The following HTR1F variants were observed in gnomAD, a reference collection of about 807,000 sequenced individuals.
HTR1F encodes the protein 5-hydroxytryptamine receptor 1F.
In HTR1F, 17 loss-of-function variants were observed where a neutral mutation model predicts 24.0. That is an observed-to-expected ratio of 0.71 (90% CI 0.48 to 1.06). HTR1F has a LOEUF of 1.06. Ranked by LOEUF, HTR1F falls within the 50% of genes least tolerant of loss-of-function variation. HTR1F has a pLI of 0.00. For synonymous variants in HTR1F, 186 were observed against 156.8 expected, an observed-to-expected ratio of 1.19 and a Z score of -1.39; for missense variants, 391 against 427.8, an observed-to-expected ratio of 0.91 and a Z score of 0.76.
At chr3:87,920,793 C>T (rs1001708526) in intron 2 of HTR1F, among the ~76,000 whole-genome samples, 7 of 151,856 alleles carry the variant, frequency 4.6e-5, no homozygotes, top group African/African-American at 1.7e-4. Context: ...AGTATCTCAG[C>T]GACAAAATAA....
chr3:87,838,554 T>A (rs1575927495), intron 2 of HTR1F, among the ~76,000 whole-genome samples: 2 of 152,230 alleles, frequency 1.3e-5, no homozygotes, highest in Admixed American at 1.3e-4. Context: ...TCCATCCAAG[T>A]TATTGTATAT....
chr3:87,856,845 C>G (rs1310677801), intron 2 of HTR1F, among the ~76,000 whole-genome samples: 1 of 152,034 alleles, frequency 6.6e-6, no homozygotes, highest in African/African-American at 2.4e-5. Flanking sequence ...GGCATATAAC[C>G]TGTTTTTATA....
intron 2 of HTR1F, among the ~76,000 whole-genome samples, chr3:87,865,420 T>C (rs1437317907): frequency 2.0e-5 from 3 of 152,074 alleles, no homozygotes; most frequent in Admixed American, 1.3e-4. Context: ...GATCAGGAAA[T>C]AGAATATTAT....
At chr3:87,946,291 A>G (rs1297624802) in intron 2 of HTR1F, among the ~76,000 whole-genome samples, 5 of 152,162 alleles carry the variant, frequency 3.3e-5, no homozygotes, top group African/African-American at 4.8e-5. Flanking sequence ...ACCATAACAA[A>G]CACGGACCAG....
rs1420178827 is a variant in HTR1F, at chr3:87,991,720, T to C, written c.971T>C (p.Ile324Thr). Residue 324 changes from isoleucine to threonine, a missense_variant, in exon 3 of 3, where the codon ATT (isoleucine) becomes ACT (threonine). By Grantham distance (89) the Ile-to-Thr change is moderately conservative. Coordinates refer to ENST00000319595, the MANE Select transcript of HTR1F (RefSeq NM_001322209.2). ...LVVNVCDKCK[I>T]SEEMSNFLAW... ...GTTAATGTCTGTGACAAATGTAAAATTTCTGAAGAAATGTCCAATTTTTTG... is the reference window on the plus strand; with the variant it reads ...GTTAATGTCTGTGACAAATGTAAAACTTCTGAAGAAATGTCCAATTTTTTG... 6.2e-7 allele frequency: 1 copy of C among 1,613,960 alleles called. No individual in the cohort carries two copies. Among genetic ancestry groups the C allele is most frequent in the South Asian group, 1.1e-5 (1 of 91,062 alleles).
chr3:87,946,149 G>A (rs868725251), intron 2 of HTR1F, among the ~76,000 whole-genome samples: 9 of 152,344 alleles, frequency 5.9e-5, no homozygotes, highest in Middle Eastern at 3.4e-3. Flanking sequence ...GCCCAATCGG[G>A]AGCGGCAATG....
intron 2 of HTR1F, among the ~76,000 whole-genome samples, chr3:87,924,282 C>T (rs972961914): frequency 7.2e-5 from 11 of 151,932 alleles, no homozygotes; most frequent in South Asian, 2.1e-4. Flanking sequence ...TGTTGATGCA[C>T]GGGGAATTTA....
chr3:87,812,819 C>T (rs1002024802), intron 1 of HTR1F, among the ~76,000 whole-genome samples: 2 of 152,190 alleles, frequency 1.3e-5, no homozygotes, highest in Non-Finnish European at 2.9e-5. Flanking sequence ...CTAAAAGGGA[C>T]CAAAGTACAG....
At chr3:87,946,894 G>A (rs1402128955) in intron 2 of HTR1F, among the ~76,000 whole-genome samples, 3 of 152,048 alleles carry the variant, frequency 2.0e-5, no homozygotes, top group Non-Finnish European at 4.4e-5. Context: ...CAAAGTGCTG[G>A]GATTACAGGC....
At chr3:87,805,265 G>A (rs1187866045) in intron 1 of HTR1F, among the ~76,000 whole-genome samples, 2 of 151,374 alleles carry the variant, frequency 1.3e-5, no homozygotes, top group Non-Finnish European at 2.9e-5. Context: ...TTCCTCCTTA[G>A]TGAGCATGGT....
chr3:87,908,118 C>A (rs988099903), intron 2 of HTR1F, among the ~76,000 whole-genome samples: 3 of 151,878 alleles, frequency 2.0e-5, no homozygotes, highest in Admixed American at 6.6e-5. Flanking sequence ...GTATAATTGG[C>A]AACCTATCTA....
intron 2 of HTR1F, among the ~76,000 whole-genome samples, chr3:87,942,743 T>C (rs1286222332): frequency 1.3e-5 from 2 of 150,834 alleles, no homozygotes; most frequent in African/African-American, 4.9e-5. Context: ...GGTGGCCTTT[T>C]TTTTTTTTAT....
At chr3:87,945,363 A>G (rs1046056053) in intron 2 of HTR1F, among the ~76,000 whole-genome samples, 1 of 152,166 alleles carries the variant, frequency 6.6e-6, no homozygotes, top group Non-Finnish European at 1.5e-5. Context: ...GAAAGTCTGA[A>G]CCATTAGTAC....
At chr3:87,908,072 C>G (rs1576014449) in intron 2 of HTR1F, among the ~76,000 whole-genome samples, 2 of 152,022 alleles carry the variant, frequency 1.3e-5, no homozygotes, top group East Asian at 3.9e-4. Context: ...TCGAATCTTT[C>G]CATAAGTGTT....
intron 2 of HTR1F, among the ~76,000 whole-genome samples, chr3:87,914,751 C>T (rs1703855287): frequency 1.3e-5 from 2 of 152,064 alleles, no homozygotes. Flanking sequence ...ATGCGCCTTC[C>T]CTACCCACCC....
intron 2 of HTR1F, among the ~76,000 whole-genome samples, chr3:87,895,055 CA>C (rs1706169381): frequency 6.6e-6 from 1 of 151,998 alleles, no homozygotes; most frequent in East Asian, 1.9e-4. Context: ...AACCAGTTTG[CA>C]AAATTCAAAA....
At chr3:87,800,294 CT>C (rs1233512762) in intron 1 of HTR1F, among the ~76,000 whole-genome samples, 1 of 152,146 alleles carries the variant, frequency 6.6e-6, no homozygotes, top group Non-Finnish European at 1.5e-5. Flanking sequence ...TTCAGCCACC[CT>C]TCCTTGCCAG....
intron 2 of HTR1F, among the ~76,000 whole-genome samples, chr3:87,861,210 G>A (rs1705312062): frequency 6.6e-6 from 1 of 152,022 alleles, no homozygotes; most frequent in South Asian, 2.1e-4. Context: ...ATCTAAGAAA[G>A]TATGCAATTT....
intron 2 of HTR1F, among the ~76,000 whole-genome samples, chr3:87,948,516 C>G (rs974415741): frequency 1.3e-5 from 2 of 151,894 alleles, no homozygotes; most frequent in Non-Finnish European, 2.9e-5. Context: ...GGACCTCACT[C>G]TGTTGCCCAG....
Sources: allele counts gnomAD v4.1 joint callset (sites outside exome capture counted in the v4.1 genomes callset), GRCh38; gene constraint gnomAD v4.1.1; transcripts MANE v1.5; gene names NCBI Gene and HGNC (gene_info 2026-07-23, HGNC 2026-07-21).